ARL6IP1: variants seen among roughly 807,000 people sequenced by gnomAD.
The protein encoded by ARL6IP1 is ADP-ribosylation factor-like protein 6-interacting protein 1.
ARL6IP1 carries 16 observed loss-of-function variants against 30.1 expected under a neutral mutation model. The ratio of observed to expected loss-of-function variants is 0.53; its 90% CI spans 0.36 to 0.81. The LOEUF is 0.81. Ranked by LOEUF, ARL6IP1 falls within the 30% of genes least tolerant of loss-of-function variation. ARL6IP1 has a pLI of 0.01. For missense variants in ARL6IP1, 173 were observed against 242.7 expected (o/e 0.71, Z 1.91); for synonymous variants, 72 against 84.8 (o/e 0.85, Z 0.83).
At chr16:18,793,451 G>C in intron 5 of ARL6IP1, 81 bp from the exon 6 acceptor site, 2 of 770,502 alleles carry the variant, frequency 2.6e-6, no homozygotes, top group Non-Finnish European at 4.0e-6. Context: ...TTTTTTTTGA[G>C]ACAAAGTTTC....
chr16:18,798,078 T>TA, intron 2 of ARL6IP1, 34 bp from the exon 3 acceptor site: 1 of 1,543,688 alleles, frequency 6.5e-7, no homozygotes, highest in South Asian at 1.2e-5. Context: ...TAGAAAAACA[T>TA]AGTCATTATT....
chr16:18,796,937 T>C (rs1437208981), intron 3 of ARL6IP1, among the ~76,000 whole-genome samples: 1 of 152,194 alleles, frequency 6.6e-6, no homozygotes, highest in African/African-American at 2.4e-5. Flanking sequence ...CAGCCAAGGA[T>C]AGAATAGCAG....
intron 3 of ARL6IP1, among the ~76,000 whole-genome samples, chr16:18,796,331 T>C (rs753388048): frequency 1.3e-5 from 2 of 152,246 alleles, no homozygotes; most frequent in Non-Finnish European, 2.9e-5. Context: ...AGCCCTCATC[T>C]CTGTAAAACT....
rs1415523530 is a variant in ARL6IP1 at position 18,801,476 on chromosome 16, G to A, written c.-10C>T. On this transcript the variant is annotated 5_prime_UTR_variant, in exon 1 of 6. Coordinates refer to ENST00000304414, the MANE Select transcript of ARL6IP1 (RefSeq NM_015161.3). Reference sequence around the variant, plus strand: ...TATCTCCCTCCGCCATCGTCTCGGGGATGCAGTCTCTACAAGCGCAGGCCA... The same window carrying A: ...TATCTCCCTCCGCCATCGTCTCGGGAATGCAGTCTCTACAAGCGCAGGCCA... The A allele has an allele frequency of 9.9e-6, 16 of 1,612,212 alleles. No homozygotes were observed. Among genetic ancestry groups the A allele is most frequent in the South Asian group, 2.2e-5 (2 of 90,596 alleles).
At chr16:18,797,381 CAAAAAAA>C (rs58429351) in intron 3 of ARL6IP1, among the ~76,000 whole-genome samples, 4 of 82,734 alleles carry the variant, frequency 4.8e-5, no homozygotes, top group African/African-American at 1.4e-4. Context: ...GCCTCCATCT[CAAAAAAA>C]AAAAAAAAAA....
chr16:18,795,351 G>T, intron 4 of ARL6IP1, 113 bp downstream of exon 4: 1 of 655,458 alleles, frequency 1.5e-6, no homozygotes, highest in Non-Finnish European at 2.6e-6. Flanking sequence ...ATTTATGAAT[G>T]TACTTAGGAA....
chr16:18,798,522 G>A (rs1364187161), intron 2 of ARL6IP1, 179 bp downstream of exon 2: 2 of 653,576 alleles, frequency 3.1e-6, no homozygotes, highest in Non-Finnish European at 4.6e-6. Context: ...AGGTTACCAA[G>A]TTTACAGAAG....
chr16:18,797,215 T>C (rs2030259220), intron 3 of ARL6IP1, among the ~76,000 whole-genome samples: 1 of 91,738 alleles, frequency 1.1e-5, no homozygotes, highest in South Asian at 2.9e-4. Context: ...CCGTCTCTAC[T>C]AAAAATAAAA....
intron 1 of ARL6IP1, chr16:18,801,217 C>A: frequency 7.1e-7 from 1 of 1,414,860 alleles, no homozygotes; most frequent in Non-Finnish European, 9.2e-7. Flanking sequence ...ATGAATCACG[C>A]GCCCTCCTCG....
In ARL6IP1 at chr16:18,795,777, CTA is replaced by C. The variant is rs553031910; in HGVS notation, c.291-198_291-197del. 2.5e-4 allele frequency among the ~76,000 whole-genome samples: 38 copies of C among 151,532 alleles called. 1 individual carries two copies. In the South Asian group the frequency reaches 4.6e-3, roughly 18 times the overall value. On this transcript the variant is annotated intron_variant, in intron 3 of 5. Coordinates refer to ENST00000304414, the MANE Select transcript of ARL6IP1 (RefSeq NM_015161.3). ...GCACAGGAGTAAGTATTTACATAAA[CTA>C]TGTGTGTGAGAGAGAGAGTGTGTGT...
At chr16:18,795,352 T>C (rs2030198041) in intron 4 of ARL6IP1, 112 bp downstream of exon 4, 1 of 658,962 alleles carries the variant, frequency 1.5e-6, no homozygotes, top group African/African-American at 1.8e-5. Context: ...TTTATGAATG[T>C]ACTTAGGAAT....
chr16:18,798,657 A>G (rs1345222757), intron 2 of ARL6IP1, 44 bp downstream of exon 2: 1 of 1,585,608 alleles, frequency 6.3e-7, no homozygotes, highest in Non-Finnish European at 8.6e-7. Context: ...AAAAGTCTTT[A>G]TTAATAAGAA....
intron 4 of ARL6IP1, among the ~76,000 whole-genome samples, chr16:18,794,985 C>A (rs1212605618): frequency 6.6e-6 from 1 of 150,754 alleles, no homozygotes; most frequent in Non-Finnish European, 1.5e-5. Context: ...GTGAAGCTTA[C>A]AGATAAGAGA....
chr16:18,801,445 T>C lies in ARL6IP1; in HGVS notation c.22A>G (p.Ser8Gly). MAEGDNR[S>G]TNLLAAETAS... Reference sequence around the variant, plus strand: ...CCAGGACTCACCAGCAGGTTGGTGCTGCGATTATCTCCCTCCGCCATCGTC... The same window carrying C: ...CCAGGACTCACCAGCAGGTTGGTGCCGCGATTATCTCCCTCCGCCATCGTC... Residue 8 changes from serine (S) to glycine (G), a missense_variant, in exon 1 of 6, where the codon AGC becomes GGC. Physicochemically the swap from Ser to Gly is moderately conservative, Grantham distance 56. Coordinates refer to ENST00000304414, the MANE Select transcript of ARL6IP1 (RefSeq NM_015161.3). 1 of 1,612,820 alleles carries C rather than the reference T, an allele frequency of 6.2e-7. No individual in the cohort carries two copies. The highest frequency in any genetic ancestry group is 8.5e-7 in the Non-Finnish European group (1 of 1,179,708).
rs774542384 is a variant in ARL6IP1 at position 18,797,915 on chromosome 16, T to C, written c.290+10A>G. On this transcript the variant is annotated intron_variant, in intron 3 of 5. Coordinates refer to ENST00000304414, the MANE Select transcript of ARL6IP1 (RefSeq NM_015161.3). ...CAAAAATGAGACTGCCAAATCATTA[T>C]GCTACCTACCATTTATTGGAGCCAA... The C allele has an allele frequency of 7.5e-6, 12 of 1,607,966 alleles. 1 individual carries two copies. The highest frequency in any genetic ancestry group is 9.3e-6 in the Non-Finnish European group (11 of 1,178,418).
intron 4 of ARL6IP1, among the ~76,000 whole-genome samples, chr16:18,794,974 C>T (rs1190365008): frequency 6.6e-6 from 1 of 151,180 alleles, no homozygotes; most frequent in Admixed American, 6.6e-5. Context: ...AGCCTCACGA[C>T]GTGAAGCTTA....
intron 4 of ARL6IP1, chr16:18,795,133 A>G (rs1252803229): frequency 4.4e-6 from 1 of 226,242 alleles, no homozygotes; most frequent in African/African-American, 2.3e-5. Flanking sequence ...CCAGGGCTCA[A>G]GTGATCCTCA....
chr16:18,797,221 TAA>T (rs11316570), intron 3 of ARL6IP1, among the ~76,000 whole-genome samples: 62 of 145,190 alleles, frequency 4.3e-4, no homozygotes, highest in Non-Finnish European at 4.1e-4. Flanking sequence ...CTACTAAAAA[TAA>T]AAAAAAAAAA....
In ARL6IP1 at chr16:18,798,055, A is replaced by T; in HGVS notation, c.171-11T>A. 6.4e-7 allele frequency: 1 copy of T among 1,574,226 alleles called. No homozygotes were observed. The highest frequency in any genetic ancestry group is 8.6e-7 in the Non-Finnish European group (1 of 1,165,272). Reference sequence around the variant, plus strand: ...AGATAGTAGATAATCCTGTTAAAAAAATTAATAAAGGTTAGAAAAACATAG... The same window carrying T: ...AGATAGTAGATAATCCTGTTAAAAATATTAATAAAGGTTAGAAAAACATAG... On this transcript the variant is annotated splice_polypyrimidine_tract_variant and intron_variant, in intron 2 of 5. Transcript: ENST00000304414.
Sources: gnomAD v4.1 joint callset for allele counts (sites outside exome capture counted in the v4.1 genomes callset) on GRCh38, gnomAD v4.1.1 for gene constraint, MANE v1.5 for transcripts, NCBI Gene and HGNC (gene_info 2026-07-23, HGNC 2026-07-21) for gene names.